RPS10: variants seen among roughly 807,000 people sequenced by gnomAD.
RPS10 encodes small ribosomal subunit protein eS10.
RPS10 carries 2 observed loss-of-function variants against 22.6 expected under a neutral mutation model. The observed-to-expected ratio is 0.09, with a 90% CI of 0.04 to 0.28. The LOEUF is 0.28. Among genes scored for constraint, RPS10 ranks in the 10% least tolerant of loss-of-function variants. The pLI is 1.00. For missense variants in RPS10, 137 were observed against 222.2 expected (o/e 0.62, Z 2.44); for synonymous variants, 70 against 75.9 (o/e 0.92, Z 0.40).
chr6:34,418,619 TTA>T (rs971912115), intron 4 of RPS10, among the ~76,000 whole-genome samples, 195 bp from the exon 5 acceptor site: 1 of 152,154 alleles, frequency 6.6e-6, no homozygotes, highest in Admixed American at 6.6e-5. Flanking sequence ...TCAGCCTTCC[TTA>T]TGTCACCCTT....
At chr6:34,418,074 G>T in intron 5 of RPS10, 2 of 998,384 alleles carry the variant, frequency 2.0e-6, no homozygotes, top group Non-Finnish European at 2.9e-6. Context: ...ATACCATCTT[G>T]GTTCTTAAGC....
At chr6:34,424,869 G>T in intron 2 of RPS10, 29 bp from the exon 3 acceptor site, 2 of 1,613,550 alleles carry the variant, frequency 1.2e-6, no homozygotes, top group Non-Finnish European at 1.7e-6. Context: ...CTGTTAAGGC[G>T]TTAAGTAGAA....
intron 4 of RPS10, among the ~76,000 whole-genome samples, chr6:34,419,081 C>T (rs1027695318): frequency 4.6e-5 from 7 of 151,988 alleles, no homozygotes; most frequent in African/African-American, 1.2e-4. Context: ...TGCAATGGCG[C>T]GATCTCGGCT....
At chr6:34,425,423 G>T in intron 1 of RPS10, 1 of 642,834 alleles carries the variant, frequency 1.6e-6, no homozygotes, top group Non-Finnish European at 2.7e-6. Context: ...AAAGTTGACA[G>T]TATGTTAAAA....
intron 4 of RPS10, among the ~76,000 whole-genome samples, 196 bp downstream of exon 4, chr6:34,421,534 C>G (rs1268144216): frequency 6.6e-6 from 1 of 152,030 alleles, no homozygotes; most frequent in Admixed American, 6.6e-5. Flanking sequence ...CCTCCTAATT[C>G]TCATCTATGA....
chr6:34,422,350 T>G (rs542592009), intron 3 of RPS10, among the ~76,000 whole-genome samples: 2 of 152,334 alleles, frequency 1.3e-5, no homozygotes, highest in South Asian at 4.1e-4. Flanking sequence ...AGTCTCACTC[T>G]GTCACCCAGG....
intron 3 of RPS10, 85 bp from the exon 4 acceptor site, chr6:34,421,892 G>A (rs1002186743): frequency 3.0e-5 from 44 of 1,474,058 alleles, no homozygotes; most frequent in Admixed American, 1.0e-4. Flanking sequence ...TTGCTCTCCT[G>A]TTGTCACTCT....
intron 5 of RPS10, 99 bp from the exon 6 acceptor site, chr6:34,417,646 C>A (rs138867571): frequency 7.9e-5 from 92 of 1,158,870 alleles, no homozygotes; most frequent in South Asian, 1.3e-4. Flanking sequence ...CCAGAGGCCC[C>A]CAAATGTAAA....
At chr6:34,420,444 C>T (rs905522365) in intron 4 of RPS10, among the ~76,000 whole-genome samples, 1 of 152,076 alleles carries the variant, frequency 6.6e-6, no homozygotes, top group African/African-American at 2.4e-5. Flanking sequence ...TCTTGAACTC[C>T]TGACCTCAAG....
chr6:34,423,595 G>C, intron 3 of RPS10, among the ~76,000 whole-genome samples: 1 of 152,222 alleles, frequency 6.6e-6, no homozygotes, highest in African/African-American at 2.4e-5. Flanking sequence ...CTAAAAAGAC[G>C]TATTATGGGC....
intron 5 of RPS10, 34 bp downstream of exon 5, chr6:34,418,335 A>C (rs754065393): frequency 4.4e-5 from 71 of 1,613,906 alleles, no homozygotes; most frequent in Non-Finnish European, 6.0e-5. Context: ...AGAACAAGTG[A>C]TGGCTCATGG....
chr6:34,425,473 T>C (rs937430271), intron 1 of RPS10: 19 of 476,620 alleles, frequency 4.0e-5, no homozygotes, highest in Non-Finnish European at 6.6e-5. Context: ...CTTCCTTAAG[T>C]TCTCATCAAT....
Position 34,425,165 on chromosome 6 carries a change from T to G in RPS10, c.57A>C (p.Gly19=). ...IAIYELLFKE[G]VMVAKKDVHM... is the part of the protein sequence containing the mutation. ...GGACATCCTTCTTGGCCACCATGACTCCCTCCTTAAAAAGGAGTTCATAAA... is the reference window on the plus strand; with the variant it reads ...GGACATCCTTCTTGGCCACCATGACGCCCTCCTTAAAAAGGAGTTCATAAA... The change falls in exon 2 of 6, where the codon GGA becomes GGC. Residue 19 remains glycine, a synonymous_variant. Coordinates refer to ENST00000648437, the MANE Select transcript of RPS10 (RefSeq NM_001014.5). The G allele has an allele frequency of 6.2e-7, 1 of 1,613,716 alleles. No homozygotes were observed. The highest frequency in any genetic ancestry group is 1.1e-5 in the South Asian group (1 of 91,046).
Position 34,418,145 on chromosome 6 carries a change from G to A in RPS10, c.456+224C>T, listed in dbSNP as rs533055900. On this transcript the variant is annotated intron_variant, in intron 5 of 5. Coordinates refer to ENST00000648437, the MANE Select transcript of RPS10 (RefSeq NM_001014.5). ...ATTAATGAAACAGAAAATACTAGTAGGCCACATGTACTGATTTCTGAGACT... is the reference window on the plus strand; with the variant it reads ...ATTAATGAAACAGAAAATACTAGTAAGCCACATGTACTGATTTCTGAGACT... 55 of 1,459,812 alleles carry A rather than the reference G, an allele frequency of 3.8e-5. No individual in the cohort carries two copies. The African/African-American group carries it at 7.7e-4, about 20-fold the overall frequency. 90.4% of individuals were successfully genotyped at this position (1,459,812 alleles called of 1,614,324 possible).
chr6:34,425,607 G>A (rs1438752622), intron 1 of RPS10: 3 of 298,434 alleles, frequency 1.0e-5, no homozygotes, highest in Non-Finnish European at 2.0e-5. Context: ...GGAAGGCCCG[G>A]AGGGGTAAAG....
intron 4 of RPS10, among the ~76,000 whole-genome samples, chr6:34,419,044 A>G (rs1392651303): frequency 2.0e-5 from 3 of 151,986 alleles, no homozygotes; most frequent in Admixed American, 1.3e-4. Context: ...TTGAGACTGA[A>G]TTTCGCTCTT....
intron 5 of RPS10, chr6:34,417,891 T>C (rs953555292): frequency 1.4e-6 from 1 of 717,956 alleles, no homozygotes; most frequent in Non-Finnish European, 2.6e-6. Flanking sequence ...TCGTGTGCTA[T>C]GAGGACCTGC....
At chr6:34,421,129 G>A (rs1279208671) in intron 4 of RPS10, among the ~76,000 whole-genome samples, 1 of 117,108 alleles carries the variant, frequency 8.5e-6, no homozygotes, top group African/African-American at 3.3e-5. Flanking sequence ...GTCTTGCTCT[G>A]TCACCCAGGC....
chr6:34,418,588 G>C (rs972066033), intron 4 of RPS10, among the ~76,000 whole-genome samples, 164 bp from the exon 5 acceptor site: 1 of 152,142 alleles, frequency 6.6e-6, no homozygotes, highest in African/African-American at 2.4e-5. Flanking sequence ...AGCCACCTTT[G>C]TCTCTCCTGG....
Sources: allele counts gnomAD v4.1 joint callset (sites outside exome capture counted in the v4.1 genomes callset), GRCh38; gene constraint gnomAD v4.1.1; transcripts MANE v1.5; gene names NCBI Gene and HGNC (gene_info 2026-07-23, HGNC 2026-07-21).